CWC27: variants seen among roughly 807,000 people sequenced by gnomAD.
The protein encoded by CWC27 is CWC27 spliceosome associated cyclophilin.
A neutral mutation model predicts 63.6 loss-of-function variants in CWC27; 47 were observed. The ratio of observed to expected loss-of-function variants is 0.74; its 90% CI spans 0.58 to 0.94. The LOEUF is 0.94. CWC27 is among the 40% of genes least tolerant of loss of function. CWC27 has a pLI of 0.00. For missense variants in CWC27, 495 were observed against 554.3 expected, an observed-to-expected ratio of 0.89 and a Z score of 1.07; for synonymous variants, 175 against 179.8, an observed-to-expected ratio of 0.97 and a Z score of 0.22.
chr5:64,790,053 A>G (rs1385697588), intron 7 of CWC27, among the ~76,000 whole-genome samples: 1 of 152,142 alleles, frequency 6.6e-6, no homozygotes, highest in South Asian at 2.1e-4. Flanking sequence ...TACCCCTTGC[A>G]TTAAAATGTA....
chr5:65,003,397 TTTC>T (rs58167981), intron 13 of CWC27, among the ~76,000 whole-genome samples: 2 of 152,184 alleles, frequency 1.3e-5, no homozygotes, highest in South Asian at 2.1e-4. Context: ...TTCCCTTCCC[TTTC>T]TTCTTCTCCT....
chr5:64,774,283 A>G (rs1251344798), intron 1 of CWC27, among the ~76,000 whole-genome samples: 3 of 152,156 alleles, frequency 2.0e-5, no homozygotes, highest in African/African-American at 7.2e-5. Flanking sequence ...GGCCTCCCAA[A>G]TAGCATGGAA....
rs1026292320 is a variant in CWC27, at chr5:64,991,075, A to G, written c.1256+13837A>G. On this transcript the variant is annotated intron_variant, in intron 13 of 13. Transcript: ENST00000381070. Reference sequence around the variant, plus strand: ...GTGAGATAAGATATCATTGTAAGGAAGAAGGTTTCTGCTTAGAAACAGATA... The same window carrying G: ...GTGAGATAAGATATCATTGTAAGGAGGAAGGTTTCTGCTTAGAAACAGATA... 2.0e-5 allele frequency among the ~76,000 whole-genome samples: 3 copies of G among 152,268 alleles called. No homozygotes were observed. The East Asian group carries it at 5.8e-4, about 29-fold the overall frequency.
At chr5:64,797,206 A>G (rs1017990135) in intron 7 of CWC27, among the ~76,000 whole-genome samples, 1 of 152,120 alleles carries the variant, frequency 6.6e-6, no homozygotes, top group African/African-American at 2.4e-5. Context: ...ATTTTAAGCA[A>G]TTTTTAAAAC....
chr5:64,882,718 C>T lies in CWC27; in HGVS notation c.939-2725C>T, dbSNP rs1366768451. 2.6e-5 allele frequency among the ~76,000 whole-genome samples: 4 copies of T among 152,178 alleles called. No homozygotes were observed. In the East Asian group the frequency reaches 5.8e-4, roughly 22 times the overall value. ...GCACCATTTTCCTGCCTCAGCCTCC[C>T]GAATAGCTGGGAGTACAGGTGCCCG... On this transcript the variant is annotated intron_variant, in intron 10 of 13. Transcript: ENST00000381070.
intron 13 of CWC27, among the ~76,000 whole-genome samples, chr5:64,984,053 G>A (rs928138979): frequency 1.8e-4 from 27 of 152,026 alleles, no homozygotes; most frequent in African/African-American, 5.8e-4. Context: ...GACTGGTCTC[G>A]AACTCCTGAC....
intron 11 of CWC27, among the ~76,000 whole-genome samples, chr5:64,903,340 C>G (rs912280289): frequency 1.5e-4 from 23 of 152,112 alleles, no homozygotes; most frequent in African/African-American, 4.8e-4. Flanking sequence ...GAATACTATG[C>G]AGCCATAAAA....
rs558864287 is a variant in CWC27 at position 64,970,817 on chromosome 5, C to T, written c.1043-886C>T. On this transcript the variant is annotated intron_variant, in intron 11 of 13. Transcript: ENST00000381070. The stretch of plus-strand genomic sequence containing the variant: ...AAAATGGCTGATTGTTAATAGATTG[C>T]ATATTCATGATGTTCCTCAAGCTAG... Among the ~76,000 whole-genome samples the T allele has an allele frequency of 2.6e-5, 4 of 152,050 alleles. No homozygotes were observed. In the East Asian group the frequency reaches 5.8e-4, roughly 22 times the overall value.
At chr5:64,984,144 T>C (rs1475730063) in intron 13 of CWC27, among the ~76,000 whole-genome samples, 3 of 152,198 alleles carry the variant, frequency 2.0e-5, no homozygotes, top group African/African-American at 4.8e-5. Flanking sequence ...TTAGTTGTTT[T>C]CATTCTTATA....
intron 6 of CWC27, among the ~76,000 whole-genome samples, chr5:64,788,061 A>C (rs749858792): frequency 2.0e-4 from 31 of 152,280 alleles, no homozygotes; most frequent in Admixed American, 1.8e-3. Flanking sequence ...TTTAATAAGC[A>C]GTTAATTCCT....
chr5:64,871,315 G>A (rs1746670226), intron 10 of CWC27, among the ~76,000 whole-genome samples: 1 of 152,066 alleles, frequency 6.6e-6, no homozygotes, highest in East Asian at 1.9e-4. Context: ...AAGCTTGATG[G>A]TAAGGATAAT....
chr5:64,957,702 T>C (rs1748829415), intron 11 of CWC27, among the ~76,000 whole-genome samples: 2 of 152,140 alleles, frequency 1.3e-5, no homozygotes, highest in South Asian at 2.1e-4. Context: ...CCTGATAAGT[T>C]TATGTAGTAG....
intron 7 of CWC27, among the ~76,000 whole-genome samples, chr5:64,797,841 T>G (rs1184617136): frequency 1.3e-5 from 2 of 152,164 alleles, no homozygotes; most frequent in Non-Finnish European, 2.9e-5. Flanking sequence ...GGAAGTGAAA[T>G]AGTATAGCTC....
At chr5:64,966,681 C>T (rs923345226) in intron 11 of CWC27, among the ~76,000 whole-genome samples, 5 of 152,096 alleles carry the variant, frequency 3.3e-5, no homozygotes, top group African/African-American at 1.2e-4. Flanking sequence ...AAACTGAGAG[C>T]ACATATTCTT....
intron 8 of CWC27, 151 bp from the exon 9 acceptor site, chr5:64,801,151 A>G (rs1041665521): frequency 2.0e-5 from 13 of 663,972 alleles, no homozygotes; most frequent in Non-Finnish European, 3.0e-5. Flanking sequence ...GAATGTTTCC[A>G]TCTGTTCTAT....
intron 6 of CWC27, 71 bp downstream of exon 6, chr5:64,786,698 T>A: frequency 1.1e-6 from 1 of 900,046 alleles, no homozygotes; most frequent in Non-Finnish European, 1.7e-6. Context: ...CTATATTTCC[T>A]TTTATAGTAA....
At chr5:64,779,054 G>A (rs1010363938) in intron 2 of CWC27, among the ~76,000 whole-genome samples, 2 of 152,166 alleles carry the variant, frequency 1.3e-5, no homozygotes, top group African/African-American at 4.8e-5. Flanking sequence ...AATTATGTCA[G>A]TAACTGTATC....
intron 10 of CWC27, among the ~76,000 whole-genome samples, chr5:64,851,827 A>C (rs1353946906): frequency 6.6e-6 from 1 of 152,222 alleles, no homozygotes; most frequent in Non-Finnish European, 1.5e-5. Context: ...TACTAAGTGC[A>C]AGGAAGTATG....
chr5:64,882,799 T>C (rs1189833675), intron 10 of CWC27, among the ~76,000 whole-genome samples: 1 of 152,162 alleles, frequency 6.6e-6, no homozygotes, highest in East Asian at 1.9e-4. Context: ...AGTTTCACCA[T>C]GTTAGCCAGG....
Sources: allele counts gnomAD v4.1 joint callset (sites outside exome capture counted in the v4.1 genomes callset), GRCh38; gene constraint gnomAD v4.1.1; transcripts MANE v1.5; gene names NCBI Gene and HGNC (gene_info 2026-07-23, HGNC 2026-07-21).